The following RB1 variants were observed in gnomAD, a reference collection of about 807,000 sequenced individuals.
RB1 encodes the protein retinoblastoma-associated protein.
In RB1, 18 loss-of-function variants were observed where a neutral mutation model predicts 135.4. The ratio of observed to expected loss-of-function variants is 0.13; its 90% confidence interval spans 0.09 to 0.20. The LOEUF (loss-of-function observed/expected upper bound fraction) is 0.20, where lower values mean the gene tolerates loss of function less well. RB1 is among the 10% of genes least tolerant of loss of function. The probability of loss-of-function intolerance (pLI) is 1.00; values close to 1 mark genes in which losing one functional copy is unlikely to be tolerated. For synonymous variants in RB1, 365 were observed against 373.2 expected, an observed-to-expected ratio of 0.98 and a Z score of 0.25; for missense variants, 868 against 1,110.0, an observed-to-expected ratio of 0.78 and a Z score of 3.10.
At chr13:48,357,989 C>T (rs951026159) in intron 6 of RB1, among the ~76,000 whole-genome samples, 2 of 151,990 alleles carry the variant, frequency 1.3e-5, no homozygotes, top group South Asian at 2.1e-4. Flanking sequence ...ACTACATTTG[C>T]GATAAGGAAT....
intron 17 of RB1, chr13:48,412,387 C>A: frequency 6.2e-7 from 1 of 1,614,020 alleles, no homozygotes. Flanking sequence ...TTAAAGGAGT[C>A]ATTATAGAAG....
intron 23 of RB1, among the ~76,000 whole-genome samples, chr13:48,472,144 C>A (rs1049747268): frequency 2.1e-4 from 32 of 152,094 alleles, no homozygotes; most frequent in African/African-American, 6.8e-4. Flanking sequence ...GGCAGATTAG[C>A]TAGTATAGTT....
chr13:48,430,864 G>T (rs1336884228), intron 17 of RB1, among the ~76,000 whole-genome samples: 1 of 152,048 alleles, frequency 6.6e-6, no homozygotes, highest in Non-Finnish European at 1.5e-5. Flanking sequence ...AGGAGTTTGG[G>T]GCTGCAGTAG....
At chr13:48,308,727 T>C (rs1319301768) in intron 2 of RB1, among the ~76,000 whole-genome samples, 1 of 152,012 alleles carries the variant, frequency 6.6e-6, no homozygotes, top group Non-Finnish European at 1.5e-5. Flanking sequence ...AGATATGAAA[T>C]ATAAAATCTT....
intron 17 of RB1, among the ~76,000 whole-genome samples, chr13:48,451,763 G>A (rs1361619349): frequency 6.7e-6 from 1 of 150,222 alleles, no homozygotes; most frequent in African/African-American, 2.5e-5. Flanking sequence ...TTGGTTGGTA[G>A]GCTATTTATT....
chr13:48,377,964 G>A (rs2138138340), intron 13 of RB1, among the ~76,000 whole-genome samples: 1 of 152,202 alleles, frequency 6.6e-6, no homozygotes, highest in East Asian at 1.9e-4. Context: ...AAAAGGTAAA[G>A]ATATAGTACA....
chr13:48,314,986 G>A (rs532095049), intron 2 of RB1, among the ~76,000 whole-genome samples: 39 of 152,174 alleles, frequency 2.6e-4, no homozygotes, highest in African/African-American at 8.7e-4. Flanking sequence ...GTCTTTTTGT[G>A]TAGGGTTGCC....
At chr13:48,403,278 C>T (rs948560926) in intron 17 of RB1, among the ~76,000 whole-genome samples, 1 of 152,020 alleles carries the variant, frequency 6.6e-6, no homozygotes, top group Non-Finnish European at 1.5e-5. Context: ...CTCAGTGTAT[C>T]GGAAGAGCAG....
intron 11 of RB1, among the ~76,000 whole-genome samples, chr13:48,369,617 C>G (rs894609915): frequency 6.6e-6 from 1 of 152,202 alleles, no homozygotes; most frequent in Non-Finnish European, 1.5e-5. Context: ...TGTTTTCTTT[C>G]TCACTCTGTG....
At chr13:48,312,453 C>T (rs1204971217) in intron 2 of RB1, among the ~76,000 whole-genome samples, 1 of 152,020 alleles carries the variant, frequency 6.6e-6, no homozygotes, top group Non-Finnish European at 1.5e-5. Flanking sequence ...GTTTTTGTTC[C>T]TTATCTGGCT....
chr13:48,433,747 C>A lies in RB1; in HGVS notation c.1696-19246C>A, dbSNP rs557839778. ...CAAAACAATGATATCTTTTGGAAAACTTTCAGTTAAACTAGACAAATAAGG... is the reference window on the plus strand; with the variant it reads ...CAAAACAATGATATCTTTTGGAAAAATTTCAGTTAAACTAGACAAATAAGG... On this transcript the variant is annotated intron_variant, in intron 17 of 26. Coordinates refer to ENST00000267163, the MANE Select transcript of RB1 (RefSeq NM_000321.3). 1.0e-4 allele frequency among the ~76,000 whole-genome samples: 15 copies of A among 149,068 alleles called. No individual in the cohort carries two copies. The South Asian group carries it at 3.2e-3, about 32-fold the overall frequency.
chr13:48,328,262 A>T, intron 2 of RB1: 1 of 1,549,482 alleles, frequency 6.5e-7, no homozygotes, highest in Non-Finnish European at 8.9e-7. Context: ...CTGATTCACT[A>T]TCTTCATCTT....
rs548273466 is a variant in RB1 at position 48,353,620 on chromosome 13, AC to A, written c.607+4599del. On this transcript the variant is annotated intron_variant, in intron 6 of 26. Coordinates refer to ENST00000267163, the MANE Select transcript of RB1 (RefSeq NM_000321.3). ...AGGCCTGTATTACCCTGATACCAAA[AC>A]CAGATAAAGACCCATTAAAAAAAGA... Among the ~76,000 whole-genome samples the A allele has an allele frequency of 2.5e-4, 38 of 152,172 alleles. 1 individual carries two copies. The South Asian group carries it at 7.0e-3, about 28-fold the overall frequency.
chr13:48,450,094 A>ATTT (rs386379116), intron 17 of RB1, among the ~76,000 whole-genome samples: 2 of 117,744 alleles, frequency 1.7e-5, no homozygotes, highest in East Asian at 2.3e-4. Flanking sequence ...ATATATATAT[A>ATTT]TTTTTTTTTT....
At chr13:48,406,360 A>G (rs1948739644) in intron 17 of RB1, among the ~76,000 whole-genome samples, 1 of 152,180 alleles carries the variant, frequency 6.6e-6, no homozygotes, top group Non-Finnish European at 1.5e-5. Flanking sequence ...CTTCTCATCT[A>G]TTATCACCAT....
At chr13:48,402,364 T>A (rs1948699503) in intron 17 of RB1, among the ~76,000 whole-genome samples, 2 of 121,430 alleles carry the variant, frequency 1.6e-5, no homozygotes, top group African/African-American at 2.9e-5. Flanking sequence ...GGTAAAGAAA[T>A]CCCTTGTAGA....
intron 4 of RB1, among the ~76,000 whole-genome samples, chr13:48,346,364 A>T (rs1002486469): frequency 2.7e-5 from 3 of 112,268 alleles, no homozygotes; most frequent in Non-Finnish European, 5.4e-5. Flanking sequence ...GTAGAATATT[A>T]TATATATGTG....
At chr13:48,327,970 GAAAAAGAA>G (rs1566181759) in intron 2 of RB1, 28 of 539,160 alleles carry the variant, frequency 5.2e-5, no homozygotes, top group Middle Eastern at 1.0e-3. Flanking sequence ...TTAAAAAGAT[GAAAAAGAA>G]AAAAAAAGTG....
chr13:48,379,042 G>A (rs1434602278), intron 13 of RB1, among the ~76,000 whole-genome samples: 1 of 152,112 alleles, frequency 6.6e-6, no homozygotes, highest in Non-Finnish European at 1.5e-5. Context: ...TCTGATTTTT[G>A]CCTGTGTCAG....
Sources: gnomAD v4.1 joint callset for allele counts (sites outside exome capture counted in the v4.1 genomes callset) on GRCh38, gnomAD v4.1.1 for gene constraint, MANE v1.5 for transcripts, NCBI Gene and HGNC (gene_info 2026-07-23, HGNC 2026-07-21) for gene names.